SEMA6D: variants seen among roughly 807,000 people sequenced by gnomAD.
The protein encoded by SEMA6D is semaphorin 6D.
SEMA6D carries 35 observed loss-of-function variants against 106.6 expected under a neutral mutation model. The observed-to-expected ratio is 0.33, with a 90% CI of 0.25 to 0.44. The LOEUF is 0.44. Ranked by LOEUF, SEMA6D falls within the 20% of genes least tolerant of loss-of-function variation. The pLI is 1.00. For missense variants in SEMA6D, 1,185 were observed against 1,345.9 expected, an observed-to-expected ratio of 0.88 and a Z score of 1.87; for synonymous variants, 499 against 487.7, an observed-to-expected ratio of 1.02 and a Z score of -0.31.
chr15:47,681,472 A>C (rs756345619), intron 4 of SEMA6D, among the ~76,000 whole-genome samples: 12 of 152,218 alleles, frequency 7.9e-5, no homozygotes, highest in Non-Finnish European at 1.5e-4. Flanking sequence ...GTTGCTGTTT[A>C]ATGAGTAAAG....
At position 47,730,664 on chromosome 15, in the gene SEMA6D, C is replaced by T. The variant is rs2080062067; in HGVS notation, c.-55+12972C>T. 5 of 1,608,450 alleles carry T rather than the reference C, an allele frequency of 3.1e-6. No individual in the cohort carries two copies. The South Asian group carries it at 3.3e-5, about 11-fold the overall frequency. ...CTTGTGGGCCAGCTTATGCAGCTCGCTGTTTGGCGGTCCAGGGCCTGGGTG... is the reference window on the plus strand; with the variant it reads ...CTTGTGGGCCAGCTTATGCAGCTCGTTGTTTGGCGGTCCAGGGCCTGGGTG... On this transcript the variant is annotated intron_variant, in intron 1 of 18. Coordinates refer to ENST00000536845, the MANE Select transcript of SEMA6D (RefSeq NM_001358351.3).
chr15:47,494,260 G>A (rs1458444811), intron 3 of SEMA6D, among the ~76,000 whole-genome samples: 1 of 152,058 alleles, frequency 6.6e-6, no homozygotes, highest in Non-Finnish European at 1.5e-5. Flanking sequence ...GTGCAGTTTT[G>A]ATGGCTATCG....
intron 1 of SEMA6D, among the ~76,000 whole-genome samples, chr15:47,308,725 A>G (rs1595697989): frequency 6.6e-6 from 1 of 152,278 alleles, no homozygotes; most frequent in East Asian, 1.9e-4. Flanking sequence ...AGTTGAAATA[A>G]AAATGTTGCC....
At chr15:47,289,482 A>G (rs2035512716) in intron 1 of SEMA6D, among the ~76,000 whole-genome samples, 1 of 151,906 alleles carries the variant, frequency 6.6e-6, no homozygotes, top group Non-Finnish European at 1.5e-5. Context: ...AAGGTAATCT[A>G]ATTTTTCTTC....
At chr15:47,369,866 C>CT (rs1249896461) in intron 1 of SEMA6D, among the ~76,000 whole-genome samples, 10 of 152,308 alleles carry the variant, frequency 6.6e-5, no homozygotes, top group African/African-American at 2.4e-4. Flanking sequence ...ATAGCTTGTA[C>CT]TAATTGAATG....
chr15:47,450,337 A>G (rs1177603351), intron 2 of SEMA6D, among the ~76,000 whole-genome samples: 3 of 152,170 alleles, frequency 2.0e-5, no homozygotes, highest in East Asian at 3.9e-4. Flanking sequence ...CTGGAATGCA[A>G]TGCTCCCACC....
At chr15:47,526,461 G>A (rs978419847) in intron 3 of SEMA6D, among the ~76,000 whole-genome samples, 1 of 152,144 alleles carries the variant, frequency 6.6e-6, no homozygotes, top group East Asian at 1.9e-4. Flanking sequence ...GGGCACTACT[G>A]GGAACCTGAA....
chr15:47,566,101 C>G (rs542158604), intron 3 of SEMA6D, among the ~76,000 whole-genome samples: 1 of 152,190 alleles, frequency 6.6e-6, no homozygotes, highest in Admixed American at 6.5e-5. Context: ...TACCAGTTAC[C>G]TCATCAGCAA....
rs565919745 is a variant in SEMA6D, at chr15:47,277,678, T to C, written c.-239+93260T>C. Among the ~76,000 whole-genome samples the C allele has an allele frequency of 5.9e-5, 9 of 151,458 alleles. No individual in the cohort carries two copies. The South Asian group carries it at 1.7e-3, about 28-fold the overall frequency. On this transcript the variant is annotated intron_variant, in intron 1 of 19. Transcript: ENST00000558014. ...GCACAATGTACAGGTTAGTTACATATGTATACATGTGCCATGCTGGTGCGC... is the reference window on the plus strand; with the variant it reads ...GCACAATGTACAGGTTAGTTACATACGTATACATGTGCCATGCTGGTGCGC...
At chr15:47,575,143 C>T (rs900778295) in intron 3 of SEMA6D, among the ~76,000 whole-genome samples, 3 of 152,194 alleles carry the variant, frequency 2.0e-5, no homozygotes, top group South Asian at 2.1e-4. Context: ...TCATTTCACT[C>T]ATTGAAACAA....
chr15:47,185,724 C>G (rs1893522093), intron 1 of SEMA6D: 1 of 152,116 alleles, frequency 6.6e-6, no homozygotes. Context: ...CGGTTATCCT[C>G]AGTTGGAGAT....
intron 1 of SEMA6D, among the ~76,000 whole-genome samples, chr15:47,334,134 T>C (rs977083184): frequency 6.6e-6 from 1 of 152,170 alleles, no homozygotes; most frequent in African/African-American, 2.4e-5. Context: ...AGTACTGGAT[T>C]TGCAGAGCTT....
chr15:47,206,029 T>G (rs1001065303), intron 1 of SEMA6D, among the ~76,000 whole-genome samples: 3 of 152,240 alleles, frequency 2.0e-5, no homozygotes, highest in Admixed American at 1.3e-4. Context: ...GATAATTCAG[T>G]ATCTTTAAAG....
rs527255387 is a variant in SEMA6D at position 47,667,672 on chromosome 15, C to T, written c.-55+66776C>T. On this transcript the variant is annotated intron_variant, in intron 4 of 19. Transcript: ENST00000558014. ...GTGCACTTCCTGGCTGATAGACGAC[C>T]ATCTTCTTGCTGTCCTCACGTGGCA... Among the ~76,000 whole-genome samples, 6 of 152,262 alleles carry T rather than the reference C, an allele frequency of 3.9e-5. 1 individual carries two copies. In the South Asian group the frequency reaches 1.0e-3, roughly 26 times the overall value.
chr15:47,610,740 G>C (rs2143838259), intron 4 of SEMA6D, among the ~76,000 whole-genome samples: 1 of 152,150 alleles, frequency 6.6e-6, no homozygotes, highest in South Asian at 2.1e-4. Context: ...ATTGAAAAAA[G>C]AAATTTTCCC....
intron 1 of SEMA6D, among the ~76,000 whole-genome samples, chr15:47,747,322 A>G (rs1365633457): frequency 6.6e-6 from 1 of 152,162 alleles, no homozygotes; most frequent in African/African-American, 2.4e-5. Context: ...ATTATTGTCC[A>G]GGTTTGCTTA....
chr15:47,379,338 A>G (rs936097146), intron 1 of SEMA6D, among the ~76,000 whole-genome samples: 3 of 152,222 alleles, frequency 2.0e-5, no homozygotes, highest in Non-Finnish European at 4.4e-5. Context: ...CTCTAAAATA[A>G]TAGGTCAGTA....
At chr15:47,289,106 A>G (rs2035491683) in intron 1 of SEMA6D, among the ~76,000 whole-genome samples, 1 of 152,124 alleles carries the variant, frequency 6.6e-6, no homozygotes, top group South Asian at 2.1e-4. Context: ...ATTATTGCAA[A>G]ATGAACATTG....
chr15:47,581,681 G>T (rs1175592669), intron 3 of SEMA6D, among the ~76,000 whole-genome samples: 2 of 152,176 alleles, frequency 1.3e-5, no homozygotes, highest in African/African-American at 4.8e-5. Context: ...AGGACAGGGG[G>T]TTGGGAACAG....
Sources: allele counts gnomAD v4.1 joint callset (sites outside exome capture counted in the v4.1 genomes callset), GRCh38; gene constraint gnomAD v4.1.1; transcripts MANE v1.5; gene names NCBI Gene and HGNC (gene_info 2026-07-23, HGNC 2026-07-21).